The following PLPP1 variants were observed in gnomAD, a reference collection of about 807,000 sequenced individuals.
The protein encoded by PLPP1 is lipid phosphate phosphohydrolase 1a.
PLPP1 carries 24 observed loss-of-function variants against 31.2 expected under a neutral mutation model. The observed-to-expected ratio is 0.77, with a 90% CI of 0.56 to 1.08. PLPP1 has a LOEUF of 1.08. PLPP1 is among the 50% of genes least tolerant of loss of function. The pLI, the probability that PLPP1 is intolerant of heterozygous loss-of-function variation, is 0.00. For synonymous variants in PLPP1, 146 were observed against 126.3 expected (o/e 1.16, Z -1.05); for missense variants, 319 against 342.7 (o/e 0.93, Z 0.55).
Position 55,491,084 on chromosome 5 carries a change from C to T in PLPP1, c.59-15634G>A, listed in dbSNP as rs749815319. 4.3e-6 allele frequency: 7 copies of T among 1,613,658 alleles called. No individual in the cohort carries two copies. In the East Asian group the frequency reaches 6.7e-5, roughly 15 times the overall value. Reference sequence around the variant, plus strand: ...GCCTCTCTGAAATGGATATATTTGGCCCAATTTTAGAACAGCCATAGGCAT... The same window carrying T: ...GCCTCTCTGAAATGGATATATTTGGTCCAATTTTAGAACAGCCATAGGCAT... On this transcript the variant is annotated intron_variant, in intron 1 of 5. Coordinates refer to ENST00000307259, the MANE Select transcript of PLPP1 (RefSeq NM_003711.4).
chr5:55,473,443 A>C (rs1272739954), intron 2 of PLPP1, among the ~76,000 whole-genome samples: 1 of 152,180 alleles, frequency 6.6e-6, no homozygotes, highest in East Asian at 1.9e-4. Flanking sequence ...ATCTATATAC[A>C]AAGGTTTTCT....
At chr5:55,508,044 G>A (rs1263725078) in intron 1 of PLPP1, among the ~76,000 whole-genome samples, 1 of 151,954 alleles carries the variant, frequency 6.6e-6, no homozygotes, top group Non-Finnish European at 1.5e-5. Flanking sequence ...TTTTATTAGA[G>A]ACAGGGTTTC....
At chr5:55,448,231 AC>A (rs1402605998) in intron 3 of PLPP1, among the ~76,000 whole-genome samples, 1 of 152,200 alleles carries the variant, frequency 6.6e-6, no homozygotes, top group Non-Finnish European at 1.5e-5. Context: ...CAAGAATCTC[AC>A]ATCTAAGATA....
intron 1 of PLPP1, among the ~76,000 whole-genome samples, chr5:55,483,719 T>C (rs1752718195): frequency 6.7e-6 from 1 of 149,560 alleles, no homozygotes; most frequent in African/African-American, 2.5e-5. Flanking sequence ...GTTGAGAGGC[T>C]ATTTCCATTT....
intron 3 of PLPP1, among the ~76,000 whole-genome samples, chr5:55,456,317 G>A (rs1752009379): frequency 6.6e-6 from 1 of 152,102 alleles, no homozygotes; most frequent in African/African-American, 2.4e-5. Context: ...GAGAATGGCG[G>A]GGAGAAAAGA....
At chr5:55,480,869 T>C (rs983951459) in intron 1 of PLPP1, among the ~76,000 whole-genome samples, 1 of 152,224 alleles carries the variant, frequency 6.6e-6, no homozygotes, top group Admixed American at 6.5e-5. Flanking sequence ...CCAAACTGTT[T>C]TCCAAAGTTG....
chr5:55,521,519 A>G (rs1561256436), intron 1 of PLPP1, among the ~76,000 whole-genome samples: 1 of 152,134 alleles, frequency 6.6e-6, no homozygotes, highest in Non-Finnish European at 1.5e-5. Flanking sequence ...TCTGTCTCAA[A>G]AAAAAACAAA....
At chr5:55,514,573 C>A (rs977820659) in intron 1 of PLPP1, among the ~76,000 whole-genome samples, 1 of 152,174 alleles carries the variant, frequency 6.6e-6, no homozygotes, top group Non-Finnish European at 1.5e-5. Context: ...TAAAGTTATA[C>A]TAAGGTGTGT....
intron 3 of PLPP1, among the ~76,000 whole-genome samples, chr5:55,456,068 G>A (rs1031759732): frequency 3.3e-5 from 5 of 152,096 alleles, no homozygotes; most frequent in Admixed American, 6.6e-5. Context: ...GGCAGTCCTA[G>A]ATAACTGGAT....
chr5:55,443,188 A>ATATATATATATATATAT, intron 3 of PLPP1, among the ~76,000 whole-genome samples: 2 of 17,682 alleles, frequency 1.1e-4, no homozygotes, highest in Non-Finnish European at 3.3e-4. Context: ...AAAAAAAAAA[A>ATATATATATATATATAT]AAAAATATAT....
intron 3 of PLPP1, among the ~76,000 whole-genome samples, chr5:55,463,562 G>T (rs998095172): frequency 7.2e-5 from 11 of 151,888 alleles, no homozygotes; most frequent in African/African-American, 2.7e-4. Context: ...TCAAGACGCT[G>T]AGGCATGAGG....
At chr5:55,518,013 A>G (rs1753588043) in intron 1 of PLPP1, among the ~76,000 whole-genome samples, 1 of 151,900 alleles carries the variant, frequency 6.6e-6, no homozygotes, top group South Asian at 2.1e-4. Flanking sequence ...CACCCAGCTA[A>G]TTTTGTAGTT....
intron 1 of PLPP1, among the ~76,000 whole-genome samples, chr5:55,501,099 C>T (rs10461598): frequency 0.79 from 119,497 of 152,078 alleles, 47,872 homozygotes; most frequent in Middle Eastern, 0.88. Flanking sequence ...CGGATCACAA[C>T]GTCAGGAGTT....
intron 1 of PLPP1, among the ~76,000 whole-genome samples, chr5:55,500,281 G>A (rs887556100): frequency 8.6e-5 from 13 of 151,842 alleles, no homozygotes; most frequent in East Asian, 1.9e-4. Flanking sequence ...GGGTTTCACC[G>A]TGTTAGCCAG....
At chr5:55,431,193 C>T (rs949959408) in intron 4 of PLPP1, among the ~76,000 whole-genome samples, 3 of 152,116 alleles carry the variant, frequency 2.0e-5, no homozygotes, top group Non-Finnish European at 2.9e-5. Flanking sequence ...TTTAGACACC[C>T]AGGCACAGGA....
intron 1 of PLPP1, among the ~76,000 whole-genome samples, chr5:55,482,980 T>C (rs2111830602): frequency 6.6e-6 from 1 of 152,228 alleles, no homozygotes; most frequent in East Asian, 1.9e-4. Flanking sequence ...TCCACATATA[T>C]ATAGTAAATA....
At chr5:55,446,484 G>A (rs1751768104) in intron 3 of PLPP1, among the ~76,000 whole-genome samples, 1 of 151,994 alleles carries the variant, frequency 6.6e-6, no homozygotes. Flanking sequence ...TCTACACCTG[G>A]TAATTCTAAT....
At chr5:55,492,054 T>C (rs567916133) in intron 1 of PLPP1, among the ~76,000 whole-genome samples, 55 of 152,076 alleles carry the variant, frequency 3.6e-4, no homozygotes, top group Admixed American at 1.2e-3. Flanking sequence ...ATAATTTCAG[T>C]TGAAATTTTG....
chr5:55,534,713 G>A lies in PLPP1; in HGVS notation c.-84C>T, dbSNP rs546875482. 154 of 1,404,554 alleles carry A rather than the reference G, an allele frequency of 1.1e-4. No homozygotes were observed. The African/African-American group carries it at 2.0e-3, about 18-fold the overall frequency. The allele number at this position is 1,404,554 out of a possible 1,614,324, so 87.0% of individuals were successfully genotyped here. On this transcript the variant is annotated 5_prime_UTR_variant, in exon 1 of 6. Transcript: ENST00000307259. ...GGCCCTTGATTCTCGAGCCCGGGCC[G>A]GGGCTGGCGACGGCCCCGAGCTACG...
Sources: allele counts gnomAD v4.1 joint callset (sites outside exome capture counted in the v4.1 genomes callset), GRCh38; gene constraint gnomAD v4.1.1; transcripts MANE v1.5; gene names NCBI Gene and HGNC (gene_info 2026-07-23, HGNC 2026-07-21).